Variants in SLC17A7 observed in about 807,000 individuals in gnomAD.
SLC17A7 encodes the protein solute carrier family 17 member 7.
SLC17A7 carries 15 observed loss-of-function variants against 59.1 expected under a neutral mutation model. That is an observed-to-expected ratio of 0.25 (90% CI 0.17 to 0.39). The LOEUF is 0.39. Among genes scored for constraint, SLC17A7 ranks in the 10% least tolerant of loss-of-function variants. The probability of loss-of-function intolerance (pLI) is 1.00; values close to 1 mark genes in which losing one functional copy is unlikely to be tolerated. For missense variants in SLC17A7, 499 were observed against 765.1 expected, an observed-to-expected ratio of 0.65 and a Z score of 4.10; for synonymous variants, 353 against 308.9, an observed-to-expected ratio of 1.14 and a Z score of -1.50.
In SLC17A7 at chr19:49,441,338, A is replaced by T; in HGVS notation, c.42T>A (p.Arg14=). Residue 14 remains arginine (R), a synonymous_variant, in exon 1 of 12, where the codon CGT becomes CGA. Transcript: ENST00000221485. ...CTCACCGGTGCAGCTTCCCGAGAGC[A>T]CGACCCGCTAGCTTCCGAAACTCCT... The part of the protein sequence containing the change: ...RQEEFRKLAG[R]ALGKLHRLLE... 6.2e-7 allele frequency: 1 copy of T among 1,609,576 alleles called. No homozygotes were observed. Among genetic ancestry groups the T allele is most frequent in the Non-Finnish European group, 8.5e-7 (1 of 1,178,852 alleles).
intron 1 of SLC17A7, among the ~76,000 whole-genome samples, chr19:49,439,309 C>T (rs565057915): frequency 7.2e-4 from 110 of 152,238 alleles, no homozygotes; most frequent in African/African-American, 2.5e-3. Flanking sequence ...TGAAGTGGCA[C>T]TCCAAGGTCA....
At chr19:49,439,994 C>T (rs953944168) in intron 1 of SLC17A7, among the ~76,000 whole-genome samples, 9 of 151,876 alleles carry the variant, frequency 5.9e-5, no homozygotes, top group African/African-American at 2.2e-4. Context: ...TGAAAGGAGG[C>T]GAGAAAAAGG....
In SLC17A7 at chr19:49,431,784, T is replaced by G. The variant is rs76946392; in HGVS notation, c.1151-336A>C. On this transcript the variant is annotated intron_variant, in intron 9 of 11. Transcript: ENST00000221485. The surrounding 1 kb of genome is among the most constrained non-coding windows in gnomAD (Gnocchi z 4.6). ...CAATCCCCACTCATGAGTTTTTGGTTTTTTTTTTTTTTAATTTTTGATTTT... is the reference window on the plus strand; with the variant it reads ...CAATCCCCACTCATGAGTTTTTGGTGTTTTTTTTTTTTAATTTTTGATTTT... Among the ~76,000 whole-genome samples, 11 of 13,138 alleles carry G rather than the reference T, an allele frequency of 8.4e-4. No homozygotes were observed. The highest frequency in any genetic ancestry group is 4.2e-3 in the South Asian group (2 of 472). 8.6% of individuals were successfully genotyped at this position (13,138 alleles called of 152,430 possible). A position where few individuals can be genotyped will look rare whatever the true frequency, so the allele number is the denominator to read the frequency against.
rs768534055 is a variant in SLC17A7, at chr19:49,433,659, T to C, written c.867+67A>G. On this transcript the variant is annotated intron_variant, in intron 7 of 11. Coordinates refer to ENST00000221485, the MANE Select transcript of SLC17A7 (RefSeq NM_020309.4). This position sits in a 1 kb window ranked among gnomAD's most constrained non-coding sequence, Gnocchi z 5.7. ...GAGTCTGCAGGAACCGTCCCTGATCTACACGCTGTGCAGGTTCGTGGCTTG... is the reference window on the plus strand; with the variant it reads ...GAGTCTGCAGGAACCGTCCCTGATCCACACGCTGTGCAGGTTCGTGGCTTG... The C allele has an allele frequency of 1.9e-6, 3 of 1,607,130 alleles. No homozygotes were observed. The highest frequency in any genetic ancestry group is 2.6e-6 in the Non-Finnish European group (3 of 1,174,372).
At position 49,431,386 on chromosome 19, in the gene SLC17A7, T is replaced by C. The variant is rs1568633615; in HGVS notation, c.1213A>G (p.Ile405Val). 13 of 1,614,082 alleles carry C rather than the reference T, an allele frequency of 8.1e-6. No individual in the cohort carries two copies. The highest frequency in any genetic ancestry group is 4.4e-5 in the South Asian group (4 of 91,078). ...CCCACGGCTAGGACCAGGAAGGAGATGGCCACGCCCTTGGAGTGCGAGTAG... is the reference window on the plus strand; with the variant it reads ...CCCACGGCTAGGACCAGGAAGGAGACGGCCACGCCCTTGGAGTGCGAGTAG... ...VGYSHSKGVAISFLVLAVGFS... is the reference protein window; with the variant it reads ...VGYSHSKGVAVSFLVLAVGFS... Residue 405 changes from isoleucine (I) to valine (V), a missense_variant, in exon 10 of 12, where the codon ATC (isoleucine) becomes GTC (valine). Coordinates refer to ENST00000221485, the MANE Select transcript of SLC17A7 (RefSeq NM_020309.4). The surrounding 1 kb of genome is among the most constrained non-coding windows in gnomAD (Gnocchi z 4.6).
intron 1 of SLC17A7, chr19:49,437,931 G>C (rs1483360266): frequency 2.0e-5 from 3 of 150,662 alleles, no homozygotes; most frequent in Non-Finnish European, 2.9e-5. Context: ...GACCCAGAGA[G>C]AGAGGGGGAC....
intron 2 of SLC17A7, 146 bp from the exon 3 acceptor site, chr19:49,435,432 ATCTT>A: frequency 1.5e-6 from 1 of 647,076 alleles, no homozygotes; most frequent in Non-Finnish European, 2.8e-6. Context: ...AGCTCACACT[ATCTT>A]TCTGTCAATT....
intron 1 of SLC17A7, among the ~76,000 whole-genome samples, chr19:49,439,220 C>T (rs1356932311): frequency 6.6e-6 from 1 of 152,140 alleles, no homozygotes; most frequent in Non-Finnish European, 1.5e-5. Context: ...TCCACTCCCC[C>T]ACGTCTTTGT....
At position 49,429,671 on chromosome 19, in the gene SLC17A7, A is replaced by G; in HGVS notation, c.*848T>C. 2.5e-6 allele frequency: 1 copy of G among 397,928 alleles called. No individual in the cohort carries two copies. Among genetic ancestry groups the G allele is most frequent in the Non-Finnish European group, 4.4e-6 (1 of 225,640 alleles). 24.6% of individuals were successfully genotyped at this position (397,928 alleles called of 1,614,324 possible). A position where few individuals can be genotyped will look rare whatever the true frequency, so the allele number is the denominator to read the frequency against. ...CTGAGAAACAGGGTAGTTCGAAACC[A>G]CCCAGGAGAATAAAGTGCGAGGAAT... On this transcript the variant is annotated 3_prime_UTR_variant, in exon 12 of 12. Coordinates refer to ENST00000221485, the MANE Select transcript of SLC17A7 (RefSeq NM_020309.4).
chr19:49,435,863 C>A (rs112147958), intron 2 of SLC17A7: 26 of 153,920 alleles, frequency 1.7e-4, no homozygotes, highest in African/African-American at 6.3e-4. Flanking sequence ...GAGTCCGAGA[C>A]CAGCCTGGGC....
intron 1 of SLC17A7, among the ~76,000 whole-genome samples, chr19:49,439,266 T>A (rs1400697466): frequency 6.6e-6 from 1 of 152,136 alleles, no homozygotes; most frequent in Non-Finnish European, 1.5e-5. Context: ...TCTCTTCCCA[T>A]TGTACAACTA....
intron 9 of SLC17A7, among the ~76,000 whole-genome samples, 182 bp downstream of exon 9, chr19:49,432,337 G>T (rs960255120): frequency 1.3e-5 from 2 of 152,156 alleles, no homozygotes; most frequent in African/African-American, 4.8e-5. Context: ...CCGCGTGACA[G>T]TCCCTTTCAT....
chr19:49,431,782 GTTTT>G lies in SLC17A7; in HGVS notation c.1151-338_1151-335del, dbSNP rs70954427. On this transcript the variant is annotated intron_variant, in intron 9 of 11. Coordinates refer to ENST00000221485, the MANE Select transcript of SLC17A7 (RefSeq NM_020309.4). The surrounding 1 kb of genome is among the most constrained non-coding windows in gnomAD (Gnocchi z 4.6). ...CTCAATCCCCACTCATGAGTTTTTGGTTTTTTTTTTTTTTAATTTTTGATTTTTT... is the reference window on the plus strand; with the variant it reads ...CTCAATCCCCACTCATGAGTTTTTGGTTTTTTTTTTAATTTTTGATTTTTT... Among the ~76,000 whole-genome samples, 106,966 of 148,654 alleles carry G rather than the reference GTTTT, an allele frequency of 0.72. 38,954 individuals are homozygous for G. The highest frequency in any genetic ancestry group is 0.77 in the Non-Finnish European group (51,587 of 67,258).
rs2078982610 is a variant in SLC17A7 at position 49,437,067 on chromosome 19, TC to T, written c.63-267del. On this transcript the variant is annotated intron_variant, in intron 1 of 11. Coordinates refer to ENST00000221485, the MANE Select transcript of SLC17A7 (RefSeq NM_020309.4). ...GTCCCCCTCTCCCAGCTCTGTCAAA[TC>T]CTTCAACTCAGGAGACTTAGACCCC... is the stretch of plus-strand genomic sequence containing the variant. 13 of 556,212 alleles carry T rather than the reference TC, an allele frequency of 2.3e-5. No individual in the cohort carries two copies. The South Asian group carries it at 2.8e-4, about 12-fold the overall frequency. The allele number at this position is 556,212 out of a possible 1,614,324, so 34.5% of individuals were successfully genotyped here. A position where few individuals can be genotyped will look rare whatever the true frequency, so the allele number is the denominator to read the frequency against.
At chr19:49,432,110 A>G (rs1486014578) in intron 9 of SLC17A7, among the ~76,000 whole-genome samples, 2 of 151,880 alleles carry the variant, frequency 1.3e-5, no homozygotes, top group Non-Finnish European at 2.9e-5. Context: ...GGCGCGCGCC[A>G]CCACGCCTAG....
rs2078966847 is a variant in SLC17A7, at chr19:49,433,029, G to T, written c.868-69C>A. On this transcript the variant is annotated intron_variant, in intron 7 of 11. Coordinates refer to ENST00000221485, the MANE Select transcript of SLC17A7 (RefSeq NM_020309.4). This position sits in a 1 kb window ranked among gnomAD's most constrained non-coding sequence, Gnocchi z 5.7. ...GAGGGCTTCTCCGCGTCCCTTCAGG[G>T]ACCACAGTGTAGTTCTGCAGAAACC... 8 of 1,483,826 alleles carry T rather than the reference G, an allele frequency of 5.4e-6. No individual in the cohort carries two copies. The highest frequency in any genetic ancestry group is 7.4e-6 in the Non-Finnish European group (8 of 1,086,038). 91.9% of individuals were successfully genotyped at this position (1,483,826 alleles called of 1,614,324 possible).
In SLC17A7 at chr19:49,436,872, C is replaced by T. The variant is rs371199737; in HGVS notation, c.63-71G>A. ...CCCCCTCACCCCCAAGACCAGGATC[C>T]AGGGCAAAACCTGCTTTTCAACATC... On this transcript the variant is annotated intron_variant, in intron 1 of 11. Transcript: ENST00000221485. This position sits in a 1 kb window ranked among gnomAD's most constrained non-coding sequence, Gnocchi z 4.1. 131 of 1,550,158 alleles carry T rather than the reference C, an allele frequency of 8.5e-5. No homozygotes were observed. The East Asian group carries it at 8.8e-4, about 10-fold the overall frequency.
chr19:49,436,868 G>A lies in SLC17A7; in HGVS notation c.63-67C>T, dbSNP rs980428497. The A allele has an allele frequency of 2.0e-6, 3 of 1,537,826 alleles. No homozygotes were observed. Among genetic ancestry groups the A allele is most frequent in the African/African-American group, 1.5e-5 (1 of 64,628 alleles). ...CCAGCCCCCTCACCCCCAAGACCAG[G>A]ATCCAGGGCAAAACCTGCTTTTCAA... On this transcript the variant is annotated intron_variant, in intron 1 of 11. Transcript: ENST00000221485. The surrounding 1 kb of genome is among the most constrained non-coding windows in gnomAD (Gnocchi z 4.1).
Position 49,433,604 on chromosome 19 carries a change from T to A in SLC17A7, c.867+122A>T, listed in dbSNP as rs2122296524. On this transcript the variant is annotated intron_variant, in intron 7 of 11. Coordinates refer to ENST00000221485, the MANE Select transcript of SLC17A7 (RefSeq NM_020309.4). This position sits in a 1 kb window ranked among gnomAD's most constrained non-coding sequence, Gnocchi z 5.7. ...AACCCGCCTCCTAGGTTCTAGCCCC[T>A]CTCTTTGCGTTCCAGTCCCGTCTCC... 7.0e-7 allele frequency: 1 copy of A among 1,420,752 alleles called. No homozygotes were observed. The highest frequency in any genetic ancestry group is 1.4e-5 in the African/African-American group (1 of 70,642). The allele number at this position is 1,420,752 out of a possible 1,614,324, so 88.0% of individuals were successfully genotyped here. A position where few individuals can be genotyped will look rare whatever the true frequency, so the allele number is the denominator to read the frequency against.
Sources: gnomAD v4.1 joint callset for allele counts (sites outside exome capture counted in the v4.1 genomes callset) on GRCh38, gnomAD v4.1.1 for gene constraint, Gnocchi (gnomAD v3.1) non-coding constraint, MANE v1.5 for transcripts, NCBI Gene and HGNC (gene_info 2026-07-23, HGNC 2026-07-21) for gene names.